TASP1: variants seen among roughly 807,000 people sequenced by gnomAD.
The protein encoded by TASP1 is threonine aspartase 1.
Under a neutral mutation model 56.6 loss-of-function variants are expected in TASP1, and 16 were observed. The observed-to-expected ratio is 0.28, with a 90% CI of 0.19 to 0.43. The LOEUF (loss-of-function observed/expected upper bound fraction) is 0.43. Ranked by LOEUF, TASP1 falls within the 20% of genes least tolerant of loss-of-function variation. TASP1 has a pLI of 1.00. For missense variants in TASP1, 393 were observed against 511.6 expected (o/e 0.77, Z 2.24); for synonymous variants, 179 against 184.2 (o/e 0.97, Z 0.23).
At chr20:13,146,666 G>T in the TASP1 span, among the ~76,000 whole-genome samples, 1 of 152,102 alleles carries the variant, frequency 6.6e-6, no homozygotes, top group Non-Finnish European at 1.5e-5. Context: ...TATATTATTT[G>T]ATATCTGCCT....
chr20:13,232,895 A>T, the TASP1 span, among the ~76,000 whole-genome samples: 4,827 of 152,284 alleles, frequency 0.032, 262 homozygotes, highest in African/African-American at 0.11. Context: ...CTTAGAAGGA[A>T]TTCTCCTTTC....
chr20:13,480,590 A>G (rs1329408172), intron 11 of TASP1, among the ~76,000 whole-genome samples: 1 of 152,120 alleles, frequency 6.6e-6, no homozygotes, highest in Non-Finnish European at 1.5e-5. Context: ...CTGCAGATCA[A>G]CTCCGTGAAC....
At chr20:13,173,883 C>T in the TASP1 span, among the ~76,000 whole-genome samples, 1 of 152,138 alleles carries the variant, frequency 6.6e-6, no homozygotes, top group Non-Finnish European at 1.5e-5. Context: ...AAATATGGTG[C>T]ACTTTATGGC....
the TASP1 span, among the ~76,000 whole-genome samples, chr20:13,275,048 C>CA: frequency 2.0e-5 from 3 of 152,282 alleles, no homozygotes; most frequent in African/African-American, 7.2e-5. Flanking sequence ...ATATCAGAGA[C>CA]AAAAATCTCT....
chr20:13,581,506 G>A (rs2047124434), intron 5 of TASP1, among the ~76,000 whole-genome samples: 1 of 152,210 alleles, frequency 6.6e-6, no homozygotes, highest in Non-Finnish European at 1.5e-5. Flanking sequence ...ACAGAACGGG[G>A]AAATGTCCTT....
chr20:13,616,027 T>A (rs925816232), intron 4 of TASP1, among the ~76,000 whole-genome samples: 1 of 151,964 alleles, frequency 6.6e-6, no homozygotes. Context: ...GATGTTAAGG[T>A]ATAAACCTGA....
chr20:13,153,858 A>C, the TASP1 span: 1 of 1,074,630 alleles, frequency 9.3e-7, no homozygotes, highest in Non-Finnish European at 1.4e-6. Context: ...CCTGCTCCCC[A>C]GGAGATATCT....
At chr20:13,395,597 A>G (rs2041498935) in intron 13 of TASP1, among the ~76,000 whole-genome samples, 1 of 152,040 alleles carries the variant, frequency 6.6e-6, no homozygotes, top group Admixed American at 6.6e-5. Context: ...TAAATATGGT[A>G]TATGGTACTG....
At chr20:13,275,268 C>G in the TASP1 span, among the ~76,000 whole-genome samples, 1 of 152,188 alleles carries the variant, frequency 6.6e-6, no homozygotes, top group African/African-American at 2.4e-5. Flanking sequence ...CCACAGGCCT[C>G]TTGAGCGCCA....
the TASP1 span, among the ~76,000 whole-genome samples, chr20:13,265,894 C>T: frequency 6.6e-6 from 1 of 152,112 alleles, no homozygotes; most frequent in African/African-American, 2.4e-5. Flanking sequence ...CTCCATAATA[C>T]TATCAGGGAC....
the TASP1 span, among the ~76,000 whole-genome samples, chr20:13,148,764 T>C: frequency 6.6e-6 from 1 of 152,240 alleles, no homozygotes; most frequent in South Asian, 2.1e-4. Context: ...TCCCCAGAGA[T>C]CCTGATTTAA....
chr20:13,351,452 G>C, the TASP1 span, among the ~76,000 whole-genome samples: 53 of 152,216 alleles, frequency 3.5e-4, no homozygotes, highest in East Asian at 0.01. Flanking sequence ...GTGAATTTGG[G>C]ATACTATTCA....
At chr20:13,622,567 T>C (rs1336906906) in intron 4 of TASP1, among the ~76,000 whole-genome samples, 1 of 152,164 alleles carries the variant, frequency 6.6e-6, no homozygotes, top group African/African-American at 2.4e-5. Flanking sequence ...CTAGGACTAA[T>C]GGTAAACACC....
At chr20:13,221,501 T>G in the TASP1 span, among the ~76,000 whole-genome samples, 1 of 141,044 alleles carries the variant, frequency 7.1e-6, no homozygotes, top group Non-Finnish European at 1.6e-5. Flanking sequence ...CGCCGGGGCT[T>G]GCTCCGCAGC....
the TASP1 span, among the ~76,000 whole-genome samples, chr20:13,321,080 T>C: frequency 6.6e-6 from 1 of 151,576 alleles, no homozygotes; most frequent in African/African-American, 2.4e-5. Flanking sequence ...GTGCCTGTAA[T>C]CCCAGCAACT....
In TASP1 at chr20:13,584,731, TC is replaced by T. The variant is rs780363808; in HGVS notation, c.403+2518del. 5.1e-4 allele frequency among the ~76,000 whole-genome samples: 77 copies of T among 152,266 alleles called. 1 individual carries two copies. In the East Asian group the frequency reaches 0.01, roughly 20 times the overall value. On this transcript the variant is annotated intron_variant, in intron 5 of 13. Transcript: ENST00000337743. ...GGGATTGGTATCATACATAGTATAT[TC>T]TCTGGCCACAGTGGAATTAAACTAG...
At chr20:13,466,601 C>T (rs946999891) in intron 11 of TASP1, among the ~76,000 whole-genome samples, 1 of 152,066 alleles carries the variant, frequency 6.6e-6, no homozygotes, top group Admixed American at 6.6e-5. Flanking sequence ...ATTAGCCAGG[C>T]GTGGTGGCAT....
the TASP1 span, among the ~76,000 whole-genome samples, chr20:13,188,903 T>C: frequency 3.3e-5 from 5 of 152,352 alleles, no homozygotes; most frequent in South Asian, 6.2e-4. Context: ...TAGCTGAGCA[T>C]TGGCCAATCC....
the TASP1 span, among the ~76,000 whole-genome samples, chr20:13,286,123 AC>A: frequency 1.3e-5 from 2 of 150,804 alleles, no homozygotes; most frequent in Non-Finnish European, 3.0e-5. Context: ...TTTACTTTTG[AC>A]CTTTTTTTAG....
Sources: allele counts gnomAD v4.1 joint callset (sites outside exome capture counted in the v4.1 genomes callset), GRCh38; gene constraint gnomAD v4.1.1; transcripts MANE v1.5; gene names NCBI Gene and HGNC (gene_info 2026-07-23, HGNC 2026-07-21).